Variants in ADPGK observed in about 807,000 individuals in gnomAD.
ADPGK encodes ADP-dependent glucokinase.
ADPGK carries 26 observed loss-of-function variants against 42.4 expected under a neutral mutation model. The observed-to-expected ratio is 0.61, with a 90% CI of 0.45 to 0.85. The LOEUF is 0.85. ADPGK is among the 40% of genes least tolerant of loss of function. The probability of loss-of-function intolerance (pLI) is 0.00; values close to 1 mark genes in which losing one functional copy is unlikely to be tolerated. For synonymous variants in ADPGK, 267 were observed against 252.6 expected (o/e 1.06, Z -0.54); for missense variants, 571 against 627.0 (o/e 0.91, Z 0.95).
chr15:72,769,710 C>A (rs2066305790), intron 3 of ADPGK, among the ~76,000 whole-genome samples: 1 of 152,296 alleles, frequency 6.6e-6, no homozygotes, highest in Non-Finnish European at 1.5e-5. Flanking sequence ...ACTATATTCA[C>A]CAGCGTCTAT....
At chr15:72,756,534 G>GGC in intron 4 of ADPGK, 87 bp from the exon 5 acceptor site, 1 of 1,431,362 alleles carries the variant, frequency 7.0e-7, no homozygotes, top group East Asian at 2.3e-5. Flanking sequence ...CACCTCACAG[G>GGC]AGCCTTGGCT....
At chr15:72,755,870 C>G in intron 5 of ADPGK, 2 of 659,448 alleles carry the variant, frequency 3.0e-6, no homozygotes, top group Non-Finnish European at 5.6e-6. Context: ...ATCAGGGATA[C>G]AGAATCAGAG....
Position 72,751,379 on chromosome 15 carries a change from A to G in ADPGK, c.*962T>C, listed in dbSNP as rs1455341431. On this transcript the variant is annotated 3_prime_UTR_variant, in exon 7 of 7. Transcript: ENST00000456471. ...ATTACAGACAGAATTCCTGAAATGTAAATTGTTTTTAATATATTTAAGAGC... is the reference window on the plus strand; with the variant it reads ...ATTACAGACAGAATTCCTGAAATGTGAATTGTTTTTAATATATTTAAGAGC... The G allele has an allele frequency of 1.3e-5, 2 of 152,668 alleles. No homozygotes were observed. Among genetic ancestry groups the G allele is most frequent in the Non-Finnish European group, 2.9e-5 (2 of 68,038 alleles). 9.5% of individuals were successfully genotyped at this position (152,668 alleles called of 1,614,324 possible). A position where few individuals can be genotyped will look rare whatever the true frequency, so the allele number is the denominator to read the frequency against.
chr15:72,757,338 C>A (rs1268907188), intron 4 of ADPGK: 1 of 152,578 alleles, frequency 6.6e-6, no homozygotes, highest in South Asian at 2.1e-4. Context: ...TCCCGAGTAG[C>A]TGGGATTACA....
At chr15:72,779,174 GAGA>G (rs1484150765) in intron 1 of ADPGK, among the ~76,000 whole-genome samples, 1 of 151,318 alleles carries the variant, frequency 6.6e-6, no homozygotes, top group Non-Finnish European at 1.5e-5. Context: ...TCATACAGGG[GAGA>G]AGACCAAGAT....
At position 72,775,999 on chromosome 15, in the gene ADPGK, CAAT is replaced by C. The variant is rs533440623; in HGVS notation, c.234-905_234-903del. The stretch of plus-strand genomic sequence containing the variant: ...CATACAGCCTGAAGGTAACTTTATA[CAAT>C]GTTTTAAATACTTTTGTGCATGAAA... On this transcript the variant is annotated intron_variant, in intron 1 of 6. Coordinates refer to ENST00000456471, the MANE Select transcript of ADPGK (RefSeq NM_001365225.1). 3.5e-4 allele frequency among the ~76,000 whole-genome samples: 53 copies of C among 152,282 alleles called. No individual in the cohort carries two copies. In the South Asian group the frequency reaches 0.01, roughly 30 times the overall value.
chr15:72,783,561 G>T lies in ADPGK; in HGVS notation c.131C>A (p.Ala44Glu), dbSNP rs1453893630. ...GGAGACGGGTCCCGGGGGCGCAGGC[G>T]CGGGCCCCAGACACAGCGAGCTCCA... ...SLWSSLCLGP[A>E]PAPPGPVSPE... Residue 44 changes from alanine to glutamate, a missense_variant, in exon 1 of 7, where the codon GCG becomes GAG. Physicochemically the swap from Ala to Glu is moderately radical, Grantham distance 107. Coordinates refer to ENST00000456471, the MANE Select transcript of ADPGK (RefSeq NM_001365225.1). 19 of 1,499,326 alleles carry T rather than the reference G, an allele frequency of 1.3e-5. No individual in the cohort carries two copies. The highest frequency in any genetic ancestry group is 9.7e-6 in the Non-Finnish European group (11 of 1,131,816). 92.9% of individuals were successfully genotyped at this position (1,499,326 alleles called of 1,614,324 possible).
At chr15:72,782,506 C>CAG (rs895413204) in intron 1 of ADPGK, among the ~76,000 whole-genome samples, 5 of 107,882 alleles carry the variant, frequency 4.6e-5, no homozygotes, top group African/African-American at 7.5e-5. Flanking sequence ...GCCTAGGCGA[C>CAG]AGAGAGAGAG....
At chr15:72,781,792 T>G (rs532497786) in intron 1 of ADPGK, among the ~76,000 whole-genome samples, 102 of 152,368 alleles carry the variant, frequency 6.7e-4, no homozygotes, top group Non-Finnish European at 7.9e-4. Context: ...ATTCATATGC[T>G]GAAACCCTAA....
At chr15:72,768,206 T>G (rs1374696566) in intron 3 of ADPGK, among the ~76,000 whole-genome samples, 1 of 150,506 alleles carries the variant, frequency 6.6e-6, no homozygotes, top group Non-Finnish European at 1.5e-5. Flanking sequence ...CTACTAAAGC[T>G]CATTTAAAAA....
At chr15:72,783,212 G>A (rs763641361) in intron 1 of ADPGK, 1 of 1,224,488 alleles carries the variant, frequency 8.2e-7, no homozygotes, top group Non-Finnish European at 1.0e-6. Flanking sequence ...CAGACAAAGC[G>A]GGATTAGCAA....
intron 3 of ADPGK, among the ~76,000 whole-genome samples, chr15:72,766,120 T>G (rs534178930): frequency 2.0e-5 from 3 of 152,280 alleles, no homozygotes; most frequent in Admixed American, 2.0e-4. Context: ...CCCAAGCAGC[T>G]GAGACTATAA....
intron 1 of ADPGK, among the ~76,000 whole-genome samples, chr15:72,777,457 AT>A (rs1312366816): frequency 6.6e-6 from 1 of 152,178 alleles, no homozygotes; most frequent in Non-Finnish European, 1.5e-5. Flanking sequence ...AGGCAGGTGG[AT>A]CATGAGGTCA....
Position 72,783,519 on chromosome 15 carries a change from G to T in ADPGK, c.173C>A (p.Ala58Glu). 1 of 1,474,658 alleles carries T rather than the reference G, an allele frequency of 6.8e-7. No homozygotes were observed. The highest frequency in any genetic ancestry group is 8.9e-7 in the Non-Finnish European group (1 of 1,119,810). The allele number at this position is 1,474,658 out of a possible 1,614,324, so 91.3% of individuals were successfully genotyped here. A position where few individuals can be genotyped will look rare whatever the true frequency, so the allele number is the denominator to read the frequency against. ...CACGATAAGCGCGTCCCAGGCTGCC[G>T]CCAACCGGCCCTCGGGGGAGACGGG... ...PGPVSPEGRL[A>E]AAWDALIVRP... Residue 58 changes from alanine to glutamate, a missense_variant, in exon 1 of 7, where the codon GCG becomes GAG. Coordinates refer to ENST00000456471, the MANE Select transcript of ADPGK (RefSeq NM_001365225.1).
At position 72,783,734 on chromosome 15, in the gene ADPGK, A is replaced by T; in HGVS notation, c.-43T>A. ...ACCTGCGCGAACCAACTCCTTTCCT[A>T]GCCCGCGCCTCTTCCGGGCTCGGCG... On this transcript the variant is annotated 5_prime_UTR_variant, in exon 1 of 7. Transcript: ENST00000456471. 2 of 1,407,136 alleles carry T rather than the reference A, an allele frequency of 1.4e-6. No individual in the cohort carries two copies. Among genetic ancestry groups the T allele is most frequent in the African/African-American group, 1.5e-5 (1 of 66,192 alleles). The allele number at this position is 1,407,136 out of a possible 1,614,324, so 87.2% of individuals were successfully genotyped here.
chr15:72,768,392 G>C (rs1261610271), intron 3 of ADPGK, among the ~76,000 whole-genome samples: 1 of 152,044 alleles, frequency 6.6e-6, no homozygotes, highest in Non-Finnish European at 1.5e-5. Flanking sequence ...ATTGAAGAAA[G>C]GGCCAGGTGT....
chr15:72,779,057 G>C (rs1231562716), intron 1 of ADPGK, among the ~76,000 whole-genome samples: 3 of 152,138 alleles, frequency 2.0e-5, no homozygotes, highest in Admixed American at 1.3e-4. Context: ...AGATTTATCT[G>C]ATGATACTGA....
chr15:72,752,442 T>A lies in ADPGK; in HGVS notation c.1393A>T (p.Thr465Ser), dbSNP rs2039891392. The A allele has an allele frequency of 1.9e-6, 3 of 1,614,046 alleles. No individual in the cohort carries two copies. The highest frequency in any genetic ancestry group is 1.6e-4 in the Middle Eastern group (1 of 6,084). ...WHREGISFHFTPVLVCKDPIR... is the reference protein window; with the variant it reads ...WHREGISFHFSPVLVCKDPIR... ...GGGTCTTTACACACCAATACTGGTGTGAAGTGGAAGGATATTCCCTCTCTG... is the reference window on the plus strand; with the variant it reads ...GGGTCTTTACACACCAATACTGGTGAGAAGTGGAAGGATATTCCCTCTCTG... The change falls in exon 7 of 7, where the codon ACA (threonine) becomes TCA (serine). Residue 465 changes from threonine (T) to serine (S), a missense_variant. This residue lies in a region of ADPGK where 434 missense variants were observed against 522.7 expected (regional missense o/e 0.83). Transcript: ENST00000456471.
chr15:72,773,409 A>G (rs1001294714), intron 2 of ADPGK, among the ~76,000 whole-genome samples: 2 of 152,242 alleles, frequency 1.3e-5, no homozygotes, highest in Non-Finnish European at 2.9e-5. Context: ...GATAGTTAGA[A>G]TTTACTAAAA....
Sources: allele counts gnomAD v4.1 joint callset (sites outside exome capture counted in the v4.1 genomes callset), GRCh38; gene constraint gnomAD v4.1.1; regional missense constraint gnomAD v4.1.1; transcripts MANE v1.5; gene names NCBI Gene and HGNC (gene_info 2026-07-23, HGNC 2026-07-21).